The following PROCA1 variants were observed in gnomAD, a reference collection of about 807,000 sequenced individuals.
PROCA1 encodes the protein protein interacting with cyclin A1.
PROCA1 carries 22 observed loss-of-function variants against 23.2 expected under a neutral mutation model. That is an observed-to-expected ratio of 0.95 (90% CI 0.68 to 1.35). PROCA1 has a LOEUF of 1.35. Ranked by LOEUF, PROCA1 falls within the 40% of genes most tolerant of loss-of-function variation. The pLI, the probability that PROCA1 is intolerant of heterozygous loss-of-function variation, is 0.00. For missense variants in PROCA1, 469 were observed against 459.8 expected, an observed-to-expected ratio of 1.02 and a Z score of -0.18; for synonymous variants, 182 against 179.2, an observed-to-expected ratio of 1.02 and a Z score of -0.12.
chr17:28,711,517 G>A (rs1416442496), intron 1 of PROCA1, 53 bp downstream of exon 1: 10 of 1,467,374 alleles, frequency 6.8e-6, no homozygotes, highest in African/African-American at 4.3e-5. Flanking sequence ...CGCCGCTCGG[G>A]GTCTGCGAGC....
At chr17:28,710,978 T>TGGGAAGGGAGTGAAGGAGTAGGGC in intron 1 of PROCA1, 2 of 312,610 alleles carry the variant, frequency 6.4e-6, no homozygotes, top group Non-Finnish European at 8.8e-6. Flanking sequence ...AGGAGTAGGG[T>TGGGAAGGGAGTGAAGGAGTAGGGC]GGGAAGGGAG....
intron 1 of PROCA1, chr17:28,711,221 C>T (rs997529844): frequency 1.1e-5 from 12 of 1,084,668 alleles, no homozygotes; most frequent in Middle Eastern, 3.8e-4. Flanking sequence ...GGTCCACGGG[C>T]TCCAGCCAAG....
chr17:28,704,895 T>C, intron 2 of PROCA1, 52 bp from the exon 3 acceptor site: 1 of 1,570,388 alleles, frequency 6.4e-7, no homozygotes, highest in African/African-American at 1.4e-5. Flanking sequence ...CCTCTGGGTC[T>C]TCCCACAGCT....
chr17:28,704,023 G>T lies in PROCA1; in HGVS notation c.630C>A (p.Asp210Glu). The T allele has an allele frequency of 6.2e-7, 1 of 1,611,548 alleles. No homozygotes were observed. Among genetic ancestry groups the T allele is most frequent in the Non-Finnish European group, 8.5e-7 (1 of 1,179,136 alleles). ...GCCAGATGGTGATGGGCGCTGTGGA[G>T]TCAGGGGTACCAGTGGCCATGCTGG... is the stretch of plus-strand genomic sequence containing the variant. ...LGTSMATGTP[D>E]STAPITIWRS... Residue 210 changes from aspartate (D) to glutamate (E), a missense_variant, in exon 5 of 5, where the codon GAC (aspartate) becomes GAA (glutamate). Asp to Glu is a conservative substitution (Grantham distance 45). Transcript: ENST00000682792.
intron 3 of PROCA1, 44 bp from the exon 4 acceptor site, chr17:28,704,479 A>G (rs1395175541): frequency 1.1e-5 from 18 of 1,588,472 alleles, no homozygotes; most frequent in Admixed American, 1.7e-5. Context: ...TCACTCCCCC[A>G]GGGACCCAGA....
intron 1 of PROCA1, among the ~76,000 whole-genome samples, chr17:28,710,346 A>T (rs548611042): frequency 2.6e-5 from 4 of 152,146 alleles, no homozygotes; most frequent in South Asian, 2.1e-4. Flanking sequence ...AAAATAAAAA[A>T]AAATAAAAAA....
intron 1 of PROCA1, among the ~76,000 whole-genome samples, chr17:28,710,234 C>T (rs1474993488): frequency 1.3e-5 from 2 of 152,018 alleles, no homozygotes; most frequent in Non-Finnish European, 2.9e-5. Context: ...CGCGGTGGCT[C>T]ATGCCTGTAA....
chr17:28,707,026 C>T, intron 1 of PROCA1: 1 of 343,160 alleles, frequency 2.9e-6, no homozygotes, highest in South Asian at 2.2e-5. Context: ...GAAAGGGTAG[C>T]ACAGGACAAG....
intron 1 of PROCA1, 177 bp from the exon 2 acceptor site, chr17:28,706,940 T>TGGGGGGGGGGGGGGG (rs1567716248): frequency 0.015 from 3 of 194 alleles, 1 homozygote; most frequent in Non-Finnish European, 0.029. Flanking sequence ...GGTGGGGCTA[T>TGGGGGGGGGGGGGGG]GAGGGGGAGG....
In PROCA1 at chr17:28,704,698, G is replaced by A. The variant is rs201494946; in HGVS notation, c.311+10C>T. 7.4e-6 allele frequency: 12 copies of A among 1,613,754 alleles called. No individual in the cohort carries two copies. The highest frequency in any genetic ancestry group is 1.6e-4 in the Middle Eastern group (1 of 6,076). ...TCTGCCATGGGTCCCCCAAGGGGGCGGGCCCTCACCTAGAATTACAGTTGC... is the reference window on the plus strand; with the variant it reads ...TCTGCCATGGGTCCCCCAAGGGGGCAGGCCCTCACCTAGAATTACAGTTGC... On this transcript the variant is annotated intron_variant, in intron 3 of 4. Coordinates refer to ENST00000682792, the MANE Select transcript of PROCA1 (RefSeq NM_001366301.1).
chr17:28,711,531 GC>G (rs2032785419), intron 1 of PROCA1, 38 bp downstream of exon 1: 1 of 1,546,590 alleles, frequency 6.5e-7, no homozygotes, highest in Admixed American at 1.9e-5. Context: ...TGCGAGCCGG[GC>G]CGCGCCCTCT....
Position 28,704,345 on chromosome 17 carries a change from T to C in PROCA1, c.402A>G (p.Thr134=). 6.2e-7 allele frequency: 1 copy of C among 1,614,058 alleles called. No individual in the cohort carries two copies. Residue 134 remains threonine, a synonymous_variant, in exon 4 of 5, where the codon ACA becomes ACG. Transcript: ENST00000682792. ...ATCGCTCCACATGCTCCTCCTCCGG[T>C]GTGAGCTCAAAGCAAGGGGACTCGA... is the stretch of plus-strand genomic sequence containing the variant. The part of the protein sequence containing the change: ...HVIESPCFEL[T]PEEEHVERFR...
At chr17:28,711,303 T>C in intron 1 of PROCA1, 1 of 584,308 alleles carries the variant, frequency 1.7e-6, no homozygotes, top group Non-Finnish European at 2.7e-6. Flanking sequence ...CAGCTCTGGC[T>C]GGAACCAGAC....
intron 1 of PROCA1, 74 bp downstream of exon 1, chr17:28,711,496 C>G (rs943801676): frequency 7.6e-6 from 10 of 1,309,226 alleles, no homozygotes; most frequent in Middle Eastern, 2.2e-4. Flanking sequence ...GGTTTGCCGG[C>G]TTCCCGCGTG....
At chr17:28,710,529 A>AG (rs1555553419) in intron 1 of PROCA1, among the ~76,000 whole-genome samples, 6,532 of 141,622 alleles carry the variant, frequency 0.046, 293 homozygotes, top group East Asian at 0.085. Context: ...AAAAAAAAAA[A>AG]GCACACATGC....
At position 28,711,753 on chromosome 17, in the gene PROCA1, C is replaced by A; in HGVS notation, c.-93G>T. 5 of 1,133,294 alleles carry A rather than the reference C, an allele frequency of 4.4e-6. No homozygotes were observed. Among genetic ancestry groups the A allele is most frequent in the Non-Finnish European group, 6.1e-6 (5 of 819,200 alleles). The allele number at this position is 1,133,294 out of a possible 1,614,324, so 70.2% of individuals were successfully genotyped here. On this transcript the variant is annotated 5_prime_UTR_variant, in exon 1 of 5. Transcript: ENST00000682792. ...GCCGAGCCCTCGGCCCAGCCGTGAA[C>A]TCCAGTCTCGGCTTCGCCCCCGCCT... is the stretch of plus-strand genomic sequence containing the variant.
Position 28,703,797 on chromosome 17 carries a change from C to A in PROCA1, c.856G>T (p.Ala286Ser), listed in dbSNP as rs143950518. 11 of 1,614,080 alleles carry A rather than the reference C, an allele frequency of 6.8e-6. No homozygotes were observed. Among genetic ancestry groups the A allele is most frequent in the Non-Finnish European group, 8.5e-6 (10 of 1,180,054 alleles). ...TCGGACATCCTGGCCAGCTGTCTTG[C>A]GCTTAATGATCGGCTCACGTCTGGC... ...SPPDVSRSLS[A>S]RQLARMSESS... is the part of the protein sequence containing the mutation. The change falls in exon 5 of 5, where the codon GCA becomes TCA. Residue 286 changes from alanine to serine, a missense_variant. Ala to Ser is a moderately conservative substitution (Grantham distance 99). Transcript: ENST00000682792.
chr17:28,704,520 C>T (rs1022333252), intron 3 of PROCA1, 85 bp from the exon 4 acceptor site: 10 of 1,554,140 alleles, frequency 6.4e-6, no homozygotes, highest in African/African-American at 1.4e-5. Context: ...TGGGCTTCCG[C>T]TGGGCCTGCC....
chr17:28,705,199 C>T (rs1443454604), intron 2 of PROCA1: 1 of 237,848 alleles, frequency 4.2e-6, no homozygotes, highest in East Asian at 1.2e-4. Context: ...AGGAGAAGGC[C>T]CTCCTGCTAT....
Sources: gnomAD v4.1 joint callset for allele counts (sites outside exome capture counted in the v4.1 genomes callset) on GRCh38, gnomAD v4.1.1 for gene constraint, MANE v1.5 for transcripts, NCBI Gene and HGNC (gene_info 2026-07-23, HGNC 2026-07-21) for gene names.